MBOAT1: variants seen among roughly 807,000 people sequenced by gnomAD.
The protein encoded by MBOAT1 is membrane bound glycerophospholipid O-acyltransferase 1, also known as membrane-bound glycerophospholipid O-acyltransferase 1.
MBOAT1 carries 67 observed loss-of-function variants against 64.4 expected under a neutral mutation model. The observed-to-expected ratio is 1.04, with a 90% confidence interval of 0.85 to 1.27. The LOEUF is 1.27. Ranked by LOEUF, MBOAT1 falls within the 50% of genes most tolerant of loss-of-function variation. The pLI, the probability that MBOAT1 is intolerant of heterozygous loss-of-function variation, is 0.00. For synonymous variants in MBOAT1, 229 were observed against 218.9 expected (o/e 1.05, Z -0.41); for missense variants, 563 against 604.6 (o/e 0.93, Z 0.72).
At chr6:20,209,795 T>C (rs1561790651) in intron 1 of MBOAT1, among the ~76,000 whole-genome samples, 1 of 152,202 alleles carries the variant, frequency 6.6e-6, no homozygotes, top group Non-Finnish European at 1.5e-5. Context: ...TTATCCTCCC[T>C]ATCCTGTGCC....
intron 3 of MBOAT1, among the ~76,000 whole-genome samples, chr6:20,146,215 T>A (rs1286109590): frequency 6.6e-6 from 1 of 152,202 alleles, no homozygotes; most frequent in African/African-American, 2.4e-5. Flanking sequence ...TGATGTTAAA[T>A]TATATTGAAA....
chr6:20,162,357 G>A (rs867068384), intron 1 of MBOAT1, among the ~76,000 whole-genome samples: 22 of 152,108 alleles, frequency 1.4e-4, no homozygotes, highest in Admixed American at 3.3e-4. Context: ...TGGGAGCCTC[G>A]GAGCTTCCCA....
chr6:20,102,391 G>A lies in MBOAT1; in HGVS notation c.1383C>T (p.His461=). 6 of 1,609,544 alleles carry A rather than the reference G, an allele frequency of 3.7e-6. No homozygotes were observed. The highest frequency in any genetic ancestry group is 1.1e-5 in the South Asian group (1 of 90,550). The part of the protein sequence containing the change: ...SLYKSMYFYL[H]IISLLIILFL... ...ATAGTATTATCAGGAGACTTATGAT[G>A]TGCAAATAAAAGTACATGGACCTGG... Residue 461 remains histidine, a synonymous_variant, in exon 13 of 13, where the codon CAC becomes CAT. Transcript: ENST00000324607.
chr6:20,110,076 AT>A (rs1554115421), intron 11 of MBOAT1, among the ~76,000 whole-genome samples: 2 of 151,356 alleles, frequency 1.3e-5, no homozygotes, highest in South Asian at 2.1e-4. Flanking sequence ...TGCCCTGCTA[AT>A]TTTTTGTATT....
intron 2 of MBOAT1, among the ~76,000 whole-genome samples, chr6:20,152,213 G>A (rs1297138838): frequency 6.6e-6 from 1 of 151,970 alleles, no homozygotes; most frequent in African/African-American, 2.4e-5. Context: ...TGTAATCCCA[G>A]CGACTCAAGA....
chr6:20,150,562 CTTT>C (rs537125848), intron 3 of MBOAT1, among the ~76,000 whole-genome samples: 12 of 134,818 alleles, frequency 8.9e-5, no homozygotes, highest in Admixed American at 2.3e-4. Flanking sequence ...TTTCTTTTTC[CTTT>C]TTTTTTTTTT....
At chr6:20,202,673 T>C (rs548657429) in intron 1 of MBOAT1, among the ~76,000 whole-genome samples, 106 of 152,228 alleles carry the variant, frequency 7.0e-4, no homozygotes, top group African/African-American at 2.4e-3. Context: ...TTTTTGCAGA[T>C]AGTTACATTT....
intron 1 of MBOAT1, among the ~76,000 whole-genome samples, chr6:20,160,171 A>G (rs137869118): frequency 6.6e-6 from 1 of 152,318 alleles, no homozygotes; most frequent in African/African-American, 2.4e-5. Flanking sequence ...CTGTGCTACA[A>G]TTTTCAAACG....
In MBOAT1 at chr6:20,204,595, G is replaced by A. The variant is rs570218830; in HGVS notation, c.99+7541C>T. Among the ~76,000 whole-genome samples, 12 of 152,314 alleles carry A rather than the reference G, an allele frequency of 7.9e-5. No individual in the cohort carries two copies. The South Asian group carries it at 1.9e-3, about 24-fold the overall frequency. On this transcript the variant is annotated intron_variant, in intron 1 of 12. Coordinates refer to ENST00000324607, the MANE Select transcript of MBOAT1 (RefSeq NM_001080480.3). Reference sequence around the variant, plus strand: ...GAGGGCTGGGTTACAGAGGGAAGACGAGGAGAGGATTTTAGGGCCCAGCCT... The same window carrying A: ...GAGGGCTGGGTTACAGAGGGAAGACAAGGAGAGGATTTTAGGGCCCAGCCT...
chr6:20,164,579 G>A (rs1317170786), intron 1 of MBOAT1, among the ~76,000 whole-genome samples: 1 of 152,156 alleles, frequency 6.6e-6, no homozygotes, highest in Non-Finnish European at 1.5e-5. Flanking sequence ...TAAAGTGACT[G>A]ATTTTAGAAT....
intron 1 of MBOAT1, among the ~76,000 whole-genome samples, chr6:20,162,113 T>C (rs1037043320): frequency 8.5e-5 from 13 of 152,212 alleles, no homozygotes; most frequent in African/African-American, 2.9e-4. Flanking sequence ...TCTTCACTAC[T>C]AAGTTATTAA....
chr6:20,129,192 G>T (rs2113656715), intron 5 of MBOAT1, among the ~76,000 whole-genome samples: 1 of 152,266 alleles, frequency 6.6e-6, no homozygotes. Context: ...GAGCCTGGTT[G>T]TGGGACATAA....
intron 1 of MBOAT1, among the ~76,000 whole-genome samples, chr6:20,207,004 G>C (rs2113778316): frequency 6.6e-6 from 1 of 152,200 alleles, no homozygotes; most frequent in East Asian, 1.9e-4. Context: ...TTCAATATCT[G>C]AGCTTCTTAA....
chr6:20,107,999 C>T (rs1451522837), intron 12 of MBOAT1, among the ~76,000 whole-genome samples: 1 of 152,044 alleles, frequency 6.6e-6, no homozygotes, highest in Non-Finnish European at 1.5e-5. Context: ...GAAATTGGAG[C>T]CGGAAGCATG....
chr6:20,124,358 A>G (rs1760586778), intron 8 of MBOAT1, 50 bp downstream of exon 8: 1 of 1,564,404 alleles, frequency 6.4e-7, no homozygotes. Context: ...AAGCCATTCA[A>G]GCAGTAGCAT....
Position 20,144,310 on chromosome 6 carries a change from G to C in MBOAT1, c.329C>G (p.Ser110Cys). 10 of 1,603,776 alleles carry C rather than the reference G, an allele frequency of 6.2e-6. No homozygotes were observed. The highest frequency in any genetic ancestry group is 8.5e-6 in the Non-Finnish European group (10 of 1,172,312). Residue 110 changes from serine to cysteine, a missense_variant, in exon 4 of 13, where the codon TCC becomes TGC. Coordinates refer to ENST00000324607, the MANE Select transcript of MBOAT1 (RefSeq NM_001080480.3). ...AAGATATCCCATTGCTACAAAAAAG[G>C]AATATCTGAAAGCAAAAACATAGAT... ...TASVSNIHRY[S>C]FFVAMGYLTI... is the part of the protein sequence containing the mutation.
chr6:20,186,679 C>T (rs1423848188), intron 1 of MBOAT1, among the ~76,000 whole-genome samples: 4 of 152,148 alleles, frequency 2.6e-5, no homozygotes, highest in East Asian at 1.9e-4. Flanking sequence ...ATCAAAGGTA[C>T]GTCTGTGGCA....
chr6:20,128,989 G>T (rs759550934), intron 5 of MBOAT1, among the ~76,000 whole-genome samples: 27 of 152,076 alleles, frequency 1.8e-4, no homozygotes, highest in Non-Finnish European at 3.4e-4. Flanking sequence ...GGACTCAAAG[G>T]TTTCTCCTAC....
At chr6:20,183,753 A>G (rs1043919415) in intron 1 of MBOAT1, among the ~76,000 whole-genome samples, 15 of 152,226 alleles carry the variant, frequency 9.9e-5, no homozygotes, top group African/African-American at 3.6e-4. Context: ...TGCCATTGAT[A>G]TCTCTTTGTA....
Sources: gnomAD v4.1 joint callset for allele counts (sites outside exome capture counted in the v4.1 genomes callset) on GRCh38, gnomAD v4.1.1 for gene constraint, MANE v1.5 for transcripts, NCBI Gene and HGNC (gene_info 2026-07-23, HGNC 2026-07-21) for gene names.